OLFML2B: variants seen among roughly 807,000 people sequenced by gnomAD.
OLFML2B encodes olfactomedin-like protein 2B.
A neutral mutation model predicts 74.9 loss-of-function variants in OLFML2B; 57 were observed. The ratio of observed to expected loss-of-function variants is 0.76; its 90% confidence interval spans 0.61 to 0.95. The LOEUF (loss-of-function observed/expected upper bound fraction) is 0.95, where lower values mean the gene tolerates loss of function less well. Ranked by LOEUF, OLFML2B falls within the 40% of genes least tolerant of loss-of-function variation. OLFML2B has a pLI of 0.00. For synonymous variants in OLFML2B, 388 were observed against 405.8 expected, an observed-to-expected ratio of 0.96 and a Z score of 0.53; for missense variants, 986 against 970.6, an observed-to-expected ratio of 1.02 and a Z score of -0.21.
intron 1 of OLFML2B, among the ~76,000 whole-genome samples, chr1:162,020,576 G>C (rs984441408): frequency 2.0e-5 from 3 of 151,412 alleles, no homozygotes; most frequent in African/African-American, 7.3e-5. Flanking sequence ...GCCCAGACTG[G>C]AGTGCAGTGG....
At position 162,009,749 on chromosome 1, in the gene OLFML2B, C is replaced by T. The variant is rs183543840; in HGVS notation, c.547-3276G>A. ...TCCCCCAGGGCAGCAGCCACAGCTG[C>T]CCCTCCTTGGCCACCCCCAGTCAGC... On this transcript the variant is annotated intron_variant, in intron 3 of 7. Coordinates refer to ENST00000294794, the MANE Select transcript of OLFML2B (RefSeq NM_015441.3). 1.1e-4 allele frequency among the ~76,000 whole-genome samples: 17 copies of T among 152,292 alleles called. No homozygotes were observed. The East Asian group carries it at 3.3e-3, about 29-fold the overall frequency.
rs145934709 is a variant in OLFML2B at position 161,984,943 on chromosome 1, C to A, written c.1512G>T (p.Pro504=). The A allele has an allele frequency of 1.8e-4, 286 of 1,610,522 alleles. 1 individual carries two copies. In the African/African-American group the frequency reaches 3.5e-3, roughly 20 times the overall value. ...CKDTLSTITG[P]TTQNTYGRNE... ...TCCGCCCATATGTGTTCTGGGTGGT[C>A]GGCCCCGTGATTGTGGAGAGAGTGT... Residue 504 remains proline (P), a synonymous_variant, in exon 7 of 8, where the codon CCG becomes CCT. Transcript: ENST00000294794.
At chr1:161,998,614 T>C (rs144638810) in intron 5 of OLFML2B, among the ~76,000 whole-genome samples, 2,528 of 145,100 alleles carry the variant, frequency 0.017, 28 homozygotes, top group Non-Finnish European at 0.023. Flanking sequence ...CGCATAGTCA[T>C]GGGTCCTGAA....
rs761147141 is a variant in OLFML2B at position 161,984,889 on chromosome 1, CA to C, written c.1565del (p.Leu522ArgfsTer9). The C allele has an allele frequency of 5.0e-6, 8 of 1,611,494 alleles. No homozygotes were observed. Among genetic ancestry groups the C allele is most frequent in the African/African-American group, 1.4e-5 (1 of 73,994 alleles). On this transcript the variant is annotated frameshift_variant, in exon 7 of 8. Coordinates refer to ENST00000294794, the MANE Select transcript of OLFML2B (RefSeq NM_015441.3). LOFTEE classifies it high-confidence loss of function. ...TTACGTAAATCCGCTCATCCTTGGC[CA>C]GGGGGTCCTTCATCCAGGCCCCTTC... ...RNEGAWMKDPLAKDERIYVTN... is the reference protein window; with the variant it reads ...RNEGAWMKDPXAKDERIYVTN...
At chr1:161,990,105 A>C (rs1438175460) in intron 6 of OLFML2B, among the ~76,000 whole-genome samples, 1 of 152,232 alleles carries the variant, frequency 6.6e-6, no homozygotes, top group East Asian at 1.9e-4. Flanking sequence ...AGCTGAAGGC[A>C]GGGAGTGTTG....
At chr1:162,014,901 T>C (rs575967294) in intron 3 of OLFML2B, among the ~76,000 whole-genome samples, 12 of 152,170 alleles carry the variant, frequency 7.9e-5, no homozygotes, top group Non-Finnish European at 1.5e-4. Context: ...TTGTTTGAAG[T>C]TCCTGTTAAG....
chr1:161,991,867 T>C (rs559552120), intron 6 of OLFML2B, among the ~76,000 whole-genome samples: 3 of 152,332 alleles, frequency 2.0e-5, no homozygotes, highest in Admixed American at 6.5e-5. Flanking sequence ...GAGAGTAGAT[T>C]TGCATAATTC....
intron 4 of OLFML2B, among the ~76,000 whole-genome samples, chr1:162,005,902 C>CTAAAAAAAAAAAAAAAAAAAAAAAAAAAA (rs368990706): frequency 1.3e-5 from 1 of 77,878 alleles, no homozygotes; most frequent in African/African-American, 3.4e-5. Flanking sequence ...TGGAACCTAT[C>CTAAAAAAAAAAAAAAAAAAAAAAAAAAAA]AAAAAAAAAA....
intron 3 of OLFML2B, among the ~76,000 whole-genome samples, chr1:162,012,852 G>A (rs755164509): frequency 2.6e-4 from 40 of 152,316 alleles, no homozygotes; most frequent in Non-Finnish European, 5.3e-4. Context: ...AGAAATGACT[G>A]AAACCAACTA....
intron 4 of OLFML2B, among the ~76,000 whole-genome samples, chr1:162,001,410 C>A (rs1690075820): frequency 6.6e-6 from 1 of 152,120 alleles, no homozygotes; most frequent in African/African-American, 2.4e-5. Context: ...TTGGAGGCAT[C>A]TTTTGCTCTC....
intron 3 of OLFML2B, 119 bp from the exon 4 acceptor site, chr1:162,006,592 A>G (rs1408742601): frequency 6.3e-6 from 5 of 790,606 alleles, no homozygotes; most frequent in Non-Finnish European, 9.9e-6. Context: ...AAATCATCCA[A>G]CAAGTGATTG....
At chr1:162,016,133 G>C (rs1439151241) in intron 3 of OLFML2B, among the ~76,000 whole-genome samples, 1 of 152,196 alleles carries the variant, frequency 6.6e-6, no homozygotes, top group Non-Finnish European at 1.5e-5. Flanking sequence ...TCATCTTTGT[G>C]CCAGCTATCC....
chr1:162,015,108 T>A (rs1690494836), intron 3 of OLFML2B, among the ~76,000 whole-genome samples: 1 of 152,216 alleles, frequency 6.6e-6, no homozygotes, highest in Non-Finnish European at 1.5e-5. Flanking sequence ...TTACAAAACG[T>A]AATATGCTAT....
chr1:162,008,859 T>G (rs757111660), intron 3 of OLFML2B, among the ~76,000 whole-genome samples: 6 of 152,164 alleles, frequency 3.9e-5, no homozygotes, highest in Non-Finnish European at 8.8e-5. Context: ...TTATAGGAGC[T>G]GAGTTCTTTC....
chr1:161,997,880 G>A lies in OLFML2B; in HGVS notation c.1419C>T (p.Thr473=). Residue 473 remains threonine, a synonymous_variant, in exon 6 of 8, where the codon ACC becomes ACT. Transcript: ENST00000294794. ...GKDAPAGWGT[T]PASPTLSPEE... ...CGGGGCTCAGCGTGGGGCTGGCAGG[G>A]GTTGTTCCCCACCCAGCAGGAGCAT... The A allele has an allele frequency of 6.2e-7, 1 of 1,614,178 alleles. No individual in the cohort carries two copies. Among genetic ancestry groups the A allele is most frequent in the South Asian group, 1.1e-5 (1 of 91,080 alleles).
intron 6 of OLFML2B, among the ~76,000 whole-genome samples, chr1:161,992,306 T>A (rs1689763479): frequency 6.6e-6 from 1 of 152,240 alleles, no homozygotes; most frequent in Admixed American, 6.5e-5. Flanking sequence ...TTGCTCTGGA[T>A]TAGGGAATTT....
At chr1:161,995,038 G>A (rs1012131353) in intron 6 of OLFML2B, among the ~76,000 whole-genome samples, 1 of 152,158 alleles carries the variant, frequency 6.6e-6, no homozygotes, top group African/African-American at 2.4e-5. Flanking sequence ...TGATGACTGG[G>A]AGATGTCATC....
Position 162,019,971 on chromosome 1 carries a change from T to C in OLFML2B, c.386A>G (p.Glu129Gly). The C allele has an allele frequency of 6.2e-7, 1 of 1,614,180 alleles. No homozygotes were observed. The highest frequency in any genetic ancestry group is 8.5e-7 in the Non-Finnish European group (1 of 1,180,010). ...CAGCTTCTGGAGCCTGAAGTCTCCC[T>C]CGCAGGGATTGAGGGCCGATGGGGG... ...VAPPSALNPC[E>G]GDFRLQKLRE... Residue 129 changes from glutamate to glycine, a missense_variant, in exon 2 of 8, where the codon GAG (glutamate) becomes GGG (glycine). Coordinates refer to ENST00000294794, the MANE Select transcript of OLFML2B (RefSeq NM_015441.3).
At chr1:161,987,480 A>C (rs1005846184) in intron 6 of OLFML2B, among the ~76,000 whole-genome samples, 2 of 152,238 alleles carry the variant, frequency 1.3e-5, no homozygotes, top group Non-Finnish European at 2.9e-5. Flanking sequence ...ATGTGATGAA[A>C]AAAGCAAAGA....
Sources: allele counts gnomAD v4.1 joint callset (sites outside exome capture counted in the v4.1 genomes callset), GRCh38; gene constraint gnomAD v4.1.1; transcripts MANE v1.5; gene names NCBI Gene and HGNC (gene_info 2026-07-23, HGNC 2026-07-21).